Variants in ZFHX3 observed in about 807,000 individuals in gnomAD.
The protein encoded by ZFHX3 is zinc finger homeobox protein 3.
ZFHX3 carries 42 observed loss-of-function variants against 279.1 expected under a neutral mutation model. The ratio of observed to expected loss-of-function variants is 0.15; its 90% CI spans 0.12 to 0.19. The LOEUF is 0.19. Among genes scored for constraint, ZFHX3 ranks in the 10% least tolerant of loss-of-function variants. The pLI, the probability that ZFHX3 is intolerant of heterozygous loss-of-function variation, is 1.00. For missense variants in ZFHX3, 4,981 were observed against 4,754.0 expected, an observed-to-expected ratio of 1.05 and a Z score of -1.40; for synonymous variants, 2,293 against 1,957.8, an observed-to-expected ratio of 1.17 and a Z score of -4.52.
chr16:72,924,052 G>A (rs1435910891), intron 3 of ZFHX3, among the ~76,000 whole-genome samples: 7 of 152,216 alleles, frequency 4.6e-5, no homozygotes, highest in Non-Finnish European at 8.8e-5. Flanking sequence ...AAGTTCAGCA[G>A]TCAAAATGCT....
At position 73,122,372 on chromosome 16, in the gene ZFHX3, A is replaced by T. The variant is rs12599788; in HGVS notation, c.-897+8596T>A. 2.9e-5 allele frequency among the ~76,000 whole-genome samples: 4 copies of T among 138,986 alleles called. 1 individual carries two copies. The highest frequency in any genetic ancestry group is 7.1e-3 in the Middle Eastern group (2 of 280). 91.2% of individuals were successfully genotyped at this position (138,986 alleles called of 152,430 possible). A position where few individuals can be genotyped will look rare whatever the true frequency, so the allele number is the denominator to read the frequency against. ...AGGTGCATGCCAGGCTAATTTTTGT[A>T]TTTTTTTTTTTTTTAGTAGAGACAG... On this transcript the variant is annotated intron_variant, in intron 7 of 17. Coordinates refer to the ZFHX3 transcript ENST00000641206.
chr16:73,459,058 G>A (rs760571775), intron 2 of ZFHX3, among the ~76,000 whole-genome samples: 1 of 152,174 alleles, frequency 6.6e-6, no homozygotes, highest in Non-Finnish European at 1.5e-5. Flanking sequence ...ATGGGCAATA[G>A]CAAAGAGTAG....
chr16:73,812,037 A>C (rs774606485), intron 1 of ZFHX3, among the ~76,000 whole-genome samples: 1 of 152,180 alleles, frequency 6.6e-6, no homozygotes, highest in Non-Finnish European at 1.5e-5. Context: ...CCTACCCCCA[A>C]GGTTATATGG....
At chr16:73,761,836 G>A (rs2053870852) in intron 1 of ZFHX3, among the ~76,000 whole-genome samples, 1 of 152,076 alleles carries the variant, frequency 6.6e-6, no homozygotes, top group Non-Finnish European at 1.5e-5. Flanking sequence ...ATTAACTCAA[G>A]ATGGATTAAA....
chr16:73,683,500 CA>C (rs2053048172), intron 1 of ZFHX3, among the ~76,000 whole-genome samples: 1 of 152,078 alleles, frequency 6.6e-6, no homozygotes, highest in Non-Finnish European at 1.5e-5. Context: ...CTATAAAAGC[CA>C]AAACCTAAAA....
At chr16:73,055,519 G>A (rs1384957943) in intron 1 of ZFHX3, among the ~76,000 whole-genome samples, 1 of 152,060 alleles carries the variant, frequency 6.6e-6, no homozygotes, top group Non-Finnish European at 1.5e-5. Flanking sequence ...CCCCATTGCA[G>A]GATTCCTGCA....
At chr16:73,082,525 T>C (rs1965960593) in intron 8 of ZFHX3, among the ~76,000 whole-genome samples, 1 of 152,164 alleles carries the variant, frequency 6.6e-6, no homozygotes, top group South Asian at 2.1e-4. Flanking sequence ...TGCCTTGGCC[T>C]CCCAGAGTGC....
chr16:73,783,597 T>A (rs1031820110), intron 1 of ZFHX3, among the ~76,000 whole-genome samples: 1 of 152,212 alleles, frequency 6.6e-6, no homozygotes, highest in Non-Finnish European at 1.5e-5. Context: ...TTCTAGGAAA[T>A]TGATGATTGA....
chr16:73,756,711 C>T (rs1383408538), intron 1 of ZFHX3, among the ~76,000 whole-genome samples: 1 of 148,278 alleles, frequency 6.7e-6, no homozygotes, highest in South Asian at 2.2e-4. Context: ...CACCCACCCC[C>T]ACCACCCCTG....
chr16:72,807,411 G>C (rs1420247145), intron 7 of ZFHX3: 4 of 152,212 alleles, frequency 2.6e-5, no homozygotes, highest in Non-Finnish European at 5.9e-5. Context: ...GTTCCTAGTG[G>C]AGAATATTTC....
chr16:73,724,036 G>C (rs1301753190), intron 1 of ZFHX3, among the ~76,000 whole-genome samples: 1 of 152,176 alleles, frequency 6.6e-6, no homozygotes, highest in Admixed American at 6.5e-5. Context: ...TTTCATAAAA[G>C]CACAACGATT....
intron 3 of ZFHX3, among the ~76,000 whole-genome samples, chr16:73,335,521 T>C (rs1176408692): frequency 6.6e-6 from 1 of 152,212 alleles, no homozygotes; most frequent in Non-Finnish European, 1.5e-5. Flanking sequence ...GCTTTATAGT[T>C]AAAGCCATCA....
At chr16:73,660,377 A>G (rs2052768822) in intron 2 of ZFHX3, among the ~76,000 whole-genome samples, 1 of 152,216 alleles carries the variant, frequency 6.6e-6, no homozygotes, top group African/African-American at 2.4e-5. Flanking sequence ...AACTGGACAC[A>G]TTTAAATTAC....
intron 4 of ZFHX3, among the ~76,000 whole-genome samples, chr16:72,863,472 C>T (rs888050480): frequency 1.3e-5 from 2 of 151,286 alleles, no homozygotes; most frequent in Non-Finnish European, 2.9e-5. Flanking sequence ...GAGCTATGAT[C>T]GCGCTACTGC....
chr16:73,098,333 G>A (rs1292068856), intron 7 of ZFHX3, among the ~76,000 whole-genome samples: 1 of 151,968 alleles, frequency 6.6e-6, no homozygotes, highest in African/African-American at 2.4e-5. Context: ...CTTCCAAAGT[G>A]CTGGGATTAC....
intron 3 of ZFHX3, among the ~76,000 whole-genome samples, chr16:73,407,288 T>C (rs1002576207): frequency 2.0e-5 from 3 of 152,148 alleles, no homozygotes; most frequent in Non-Finnish European, 4.4e-5. Context: ...TGACTAAAAG[T>C]AGCTGGAATG....
chr16:73,445,017 C>T (rs2143545608), intron 3 of ZFHX3, among the ~76,000 whole-genome samples: 1 of 149,656 alleles, frequency 6.7e-6, no homozygotes, highest in South Asian at 2.1e-4. Context: ...GGCCTATAGT[C>T]CCAGCTACTC....
At chr16:72,970,265 T>C (rs1962045225) in intron 1 of ZFHX3, among the ~76,000 whole-genome samples, 1 of 151,768 alleles carries the variant, frequency 6.6e-6, no homozygotes, top group African/African-American at 2.4e-5. Context: ...CCACCATGAA[T>C]CAAAACCAAA....
At chr16:73,307,471 G>A (rs373895251) in intron 4 of ZFHX3, among the ~76,000 whole-genome samples, 43 of 152,296 alleles carry the variant, frequency 2.8e-4, no homozygotes, top group African/African-American at 8.7e-4. Flanking sequence ...TCTCTGAAAC[G>A]GGAAAAACTG....
Sources: allele counts gnomAD v4.1 joint callset (sites outside exome capture counted in the v4.1 genomes callset), GRCh38; gene constraint gnomAD v4.1.1; transcripts MANE v1.5; gene names NCBI Gene and HGNC (gene_info 2026-07-23, HGNC 2026-07-21).